HYDIN: variants seen among roughly 807,000 people sequenced by gnomAD.
HYDIN encodes the protein axonemal central pair apparatus protein HYDIN.
HYDIN carries 132 observed loss-of-function variants against 403.9 expected under a neutral mutation model. That is an observed-to-expected ratio of 0.33 (90% CI 0.28 to 0.38). The LOEUF is 0.38. Among genes scored for constraint, HYDIN ranks in the 10% least tolerant of loss-of-function variants. The pLI is 1.00. For synonymous variants in HYDIN, 1,202 were observed against 1,891.7 expected, an observed-to-expected ratio of 0.64 and a Z score of 9.46; for missense variants, 2,827 against 5,009.5, an observed-to-expected ratio of 0.56 and a Z score of 13.15.
chr16:70,833,429 T>C (rs528873951), intron 79 of HYDIN, among the ~76,000 whole-genome samples: 28 of 118,038 alleles, frequency 2.4e-4, no homozygotes, highest in Non-Finnish European at 4.4e-4. Flanking sequence ...GAAATCCTTC[T>C]GGGACTGTGG....
At chr16:70,926,800 A>T (rs529450888) in intron 45 of HYDIN, among the ~76,000 whole-genome samples, 64 of 151,874 alleles carry the variant, frequency 4.2e-4, no homozygotes, top group African/African-American at 1.4e-3. Context: ...AAAGAGAACT[A>T]GAAATAGTAA....
At chr16:70,808,665 A>T (rs375128886) in intron 85 of HYDIN, among the ~76,000 whole-genome samples, 1 of 152,194 alleles carries the variant, frequency 6.6e-6, no homozygotes, top group Non-Finnish European at 1.5e-5. Context: ...CTAACCTAGC[A>T]TCTCTTGGCT....
At chr16:71,227,561 A>G (rs2041091878) in intron 1 of HYDIN, among the ~76,000 whole-genome samples, 1 of 152,188 alleles carries the variant, frequency 6.6e-6, no homozygotes, top group African/African-American at 2.4e-5. Context: ...ACTCCCATTC[A>G]CAATTGCTTC....
At chr16:71,036,248 G>A (rs2081084172) in intron 18 of HYDIN, among the ~76,000 whole-genome samples, 1 of 151,628 alleles carries the variant, frequency 6.6e-6, no homozygotes, top group Admixed American at 6.6e-5. Context: ...CAAATGGAGG[G>A]GCAGCTAGAG....
intron 10 of HYDIN, among the ~76,000 whole-genome samples, chr16:71,110,390 T>A (rs1038870267): frequency 4.0e-4 from 55 of 137,508 alleles, no homozygotes; most frequent in East Asian, 2.3e-3. Flanking sequence ...TACATATATT[T>A]TATATATATA....
chr16:71,156,709 TTAAA>T (rs1208294874), intron 6 of HYDIN, among the ~76,000 whole-genome samples: 3 of 151,726 alleles, frequency 2.0e-5, no homozygotes, highest in Non-Finnish European at 2.9e-5. Context: ...TCCTACAATA[TTAAA>T]TATTGAATAT....
At chr16:70,834,350 C>A (rs1449931862) in intron 78 of HYDIN, among the ~76,000 whole-genome samples, 186 bp from the exon 79 acceptor site, 2 of 151,336 alleles carry the variant, frequency 1.3e-5, no homozygotes, top group Non-Finnish European at 2.9e-5. Flanking sequence ...AGATTAAGAT[C>A]ATCTCTATAA....
intron 50 of HYDIN, among the ~76,000 whole-genome samples, chr16:70,904,966 G>C (rs1253496511): frequency 6.6e-6 from 1 of 152,130 alleles, no homozygotes; most frequent in East Asian, 1.9e-4. Flanking sequence ...GAGATCTGCA[G>C]AGTTGAGCAC....
chr16:71,006,773 A>G (rs2079900901), intron 23 of HYDIN, among the ~76,000 whole-genome samples: 2 of 152,020 alleles, frequency 1.3e-5, no homozygotes, highest in African/African-American at 2.4e-5. Flanking sequence ...CTGATCATCT[A>G]GCCCGCCCCA....
At chr16:71,069,724 A>G (rs1224343563) in intron 13 of HYDIN, among the ~76,000 whole-genome samples, 7 of 152,216 alleles carry the variant, frequency 4.6e-5, no homozygotes, top group Non-Finnish European at 8.8e-5. Context: ...CATTCACTCA[A>G]TGAATATTTA....
Position 70,863,162 on chromosome 16 carries a change from C to T in HYDIN, c.11492G>A (p.Gly3831Glu), listed in dbSNP as rs1269834195. ...RVFEFDVINS[G>E]RVQLEFSWVS... is the part of the protein sequence containing the mutation. ...CCAGCTGAATTCCAGCTGGACACGT[C>T]CTGAATTAATCACATCGAACCTGCA... Residue 3831 changes from glycine to glutamate, a missense_variant, in exon 68 of 86, where the codon GGA becomes GAA. Transcript: ENST00000393567. 6.2e-7 allele frequency: 1 copy of T among 1,613,736 alleles called. No individual in the cohort carries two copies. Among genetic ancestry groups the T allele is most frequent in the Non-Finnish European group, 8.5e-7 (1 of 1,179,886 alleles).
In HYDIN at chr16:70,804,949, G is replaced by A. The variant is rs142353669; in HGVS notation, c.*2631C>T. On this transcript the variant is annotated 3_prime_UTR_variant, in exon 86 of 86. Transcript: ENST00000393567. ...GCTGGCTATAAGCCATGCTGGGGCT[G>A]GTGGCATGTTAGACAAGATTTCAGA... Among the ~76,000 whole-genome samples, 4 of 152,234 alleles carry A rather than the reference G, an allele frequency of 2.6e-5. No homozygotes were observed. The highest frequency in any genetic ancestry group is 2.6e-4 in the Admixed American group (4 of 15,292).
intron 23 of HYDIN, among the ~76,000 whole-genome samples, chr16:70,994,547 C>T (rs578062651): frequency 2.1e-4 from 31 of 150,710 alleles, no homozygotes; most frequent in African/African-American, 6.6e-4. Flanking sequence ...GGGCAGAGAA[C>T]GCATGTTGGG....
At chr16:70,891,110 T>C (rs1389608292) in intron 57 of HYDIN, among the ~76,000 whole-genome samples, 1 of 152,186 alleles carries the variant, frequency 6.6e-6, no homozygotes, top group Non-Finnish European at 1.5e-5. Flanking sequence ...AGGAAATCTA[T>C]GAAACCTGGA....
chr16:71,182,422 C>T (rs2086946651), intron 3 of HYDIN, among the ~76,000 whole-genome samples: 1 of 151,828 alleles, frequency 6.6e-6, no homozygotes, highest in African/African-American at 2.4e-5. Flanking sequence ...TGGTGGAGAA[C>T]ATGGTGAGAA....
chr16:70,971,157 G>A (rs1174828630), intron 35 of HYDIN, among the ~76,000 whole-genome samples: 2 of 152,178 alleles, frequency 1.3e-5, no homozygotes, highest in Non-Finnish European at 2.9e-5. Context: ...GCAGGGGAGG[G>A]CAGGGCAAAA....
intron 27 of HYDIN, among the ~76,000 whole-genome samples, chr16:70,986,141 G>T (rs926395137): frequency 3.2e-5 from 4 of 126,412 alleles, no homozygotes; most frequent in African/African-American, 1.2e-4. Flanking sequence ...AAAAAAAAAA[G>T]ATTTGCCTTC....
intron 1 of HYDIN, among the ~76,000 whole-genome samples, chr16:71,217,372 G>T (rs1167625442): frequency 6.6e-6 from 1 of 152,144 alleles, no homozygotes; most frequent in East Asian, 1.9e-4. Flanking sequence ...TCTGAATTAA[G>T]TAGAGATCTC....
chr16:70,967,120 G>A (rs1270650347), intron 36 of HYDIN, among the ~76,000 whole-genome samples: 4 of 152,090 alleles, frequency 2.6e-5, no homozygotes, highest in African/African-American at 7.2e-5. Context: ...CAAAGAGCAC[G>A]GCACTAAGGT....
Sources: gnomAD v4.1 joint callset for allele counts (sites outside exome capture counted in the v4.1 genomes callset) on GRCh38, gnomAD v4.1.1 for gene constraint, MANE v1.5 for transcripts, NCBI Gene and HGNC (gene_info 2026-07-23, HGNC 2026-07-21) for gene names.